The following SHISA9 variants were observed in gnomAD, a reference collection of about 807,000 sequenced individuals.
SHISA9 encodes protein shisa-9.
In SHISA9, 13 loss-of-function variants were observed where a neutral mutation model predicts 38.0. The observed-to-expected ratio is 0.34, with a 90% CI of 0.22 to 0.54. The LOEUF is 0.54. Ranked by LOEUF, SHISA9 falls within the 20% of genes least tolerant of loss-of-function variation. The pLI is 0.91. For missense variants in SHISA9, 538 were observed against 575.8 expected, an observed-to-expected ratio of 0.93 and a Z score of 0.67; for synonymous variants, 275 against 242.0, an observed-to-expected ratio of 1.14 and a Z score of -1.27.
Position 13,065,209 on chromosome 16 carries a change from A to G in SHISA9, c.692-138185A>G, listed in dbSNP as rs537058539. Among the ~76,000 whole-genome samples, 14 of 152,192 alleles carry G rather than the reference A, an allele frequency of 9.2e-5. No homozygotes were observed. In the South Asian group the frequency reaches 2.7e-3, roughly 29 times the overall value. On this transcript the variant is annotated intron_variant, in intron 2 of 4. Coordinates refer to ENST00000558583, the MANE Select transcript of SHISA9 (RefSeq NM_001145204.3). ...CTCCCCTTGTTTTGCATCCTTGGCA[A>G]TGATCTCACTTTATTGCCACTGACC...
chr16:13,463,027 A>G, the SHISA9 span, among the ~76,000 whole-genome samples: 1 of 152,120 alleles, frequency 6.6e-6, no homozygotes, highest in African/African-American at 2.4e-5. Context: ...GTGGTGGCAC[A>G]TGCCTGTGGT....
At chr16:13,135,125 A>G (rs1315935078) in intron 2 of SHISA9, among the ~76,000 whole-genome samples, 2 of 152,234 alleles carry the variant, frequency 1.3e-5, no homozygotes, top group African/African-American at 2.4e-5. Context: ...AATGGGAGCA[A>G]GAAGCAATTC....
Position 13,237,612 on chromosome 16 carries a change from A to G in SHISA9, c.*2203A>G, listed in dbSNP as rs2051398129. 6.7e-6 allele frequency: 1 copy of G among 149,016 alleles called. No homozygotes were observed. Among genetic ancestry groups the G allele is most frequent in the South Asian group, 2.1e-4 (1 of 4,684 alleles). The allele number at this position is 149,016 out of a possible 1,614,324, so 9.2% of individuals were successfully genotyped here. A position where few individuals can be genotyped will look rare whatever the true frequency, so the allele number is the denominator to read the frequency against. The stretch of plus-strand genomic sequence containing the variant: ...TGGGAGGTTGCAGTGAGCTGAGACC[A>G]CACCACTGCCCTCTAGCCTGGGTGA... On this transcript the variant is annotated 3_prime_UTR_variant, in exon 5 of 5. Transcript: ENST00000558583.
the SHISA9 span, among the ~76,000 whole-genome samples, chr16:13,428,964 G>C: frequency 1.3e-5 from 2 of 151,844 alleles, no homozygotes; most frequent in Admixed American, 1.3e-4. Context: ...ACCGGGTTTT[G>C]CTATGTTGAC....
chr16:13,479,703 G>A, the SHISA9 span, among the ~76,000 whole-genome samples: 1 of 152,122 alleles, frequency 6.6e-6, no homozygotes, highest in Non-Finnish European at 1.5e-5. Flanking sequence ...GCGATTAATT[G>A]GAAAACAGGG....
the SHISA9 span, among the ~76,000 whole-genome samples, chr16:13,419,522 G>A: frequency 3.9e-5 from 6 of 152,152 alleles, no homozygotes; most frequent in East Asian, 1.9e-4. Context: ...CTTTGTTAGC[G>A]TGTGATGTCT....
chr16:13,088,118 G>T (rs934031456), intron 2 of SHISA9, among the ~76,000 whole-genome samples: 6 of 152,212 alleles, frequency 3.9e-5, no homozygotes, highest in Admixed American at 1.3e-4. Flanking sequence ...GTTCATCAAA[G>T]ATCAGATGGT....
At chr16:13,156,626 C>G (rs1244845204) in intron 2 of SHISA9, among the ~76,000 whole-genome samples, 2 of 151,254 alleles carry the variant, frequency 1.3e-5, no homozygotes, top group African/African-American at 4.9e-5. Flanking sequence ...CCCAGCTACT[C>G]AGGAGGCTGA....
intron 2 of SHISA9, among the ~76,000 whole-genome samples, chr16:12,919,064 T>C (rs530875927): frequency 1.3e-5 from 2 of 152,332 alleles, no homozygotes; most frequent in East Asian, 3.8e-4. Context: ...AACATTTGTA[T>C]GTTCAGATGA....
intron 2 of SHISA9, among the ~76,000 whole-genome samples, chr16:12,952,120 A>T (rs1344529382): frequency 6.6e-6 from 1 of 152,232 alleles, no homozygotes; most frequent in African/African-American, 2.4e-5. Flanking sequence ...GGAATTTTTC[A>T]ATTGAGAGCA....
At chr16:12,957,772 G>T (rs1011266446) in intron 2 of SHISA9, among the ~76,000 whole-genome samples, 12 of 152,206 alleles carry the variant, frequency 7.9e-5, no homozygotes, top group Non-Finnish European at 1.5e-4. Context: ...GAGGCTGGAA[G>T]TCCAAGATCA....
At chr16:13,447,060 G>A in the SHISA9 span, among the ~76,000 whole-genome samples, 1 of 151,270 alleles carries the variant, frequency 6.6e-6, no homozygotes, top group Non-Finnish European at 1.5e-5. Flanking sequence ...GAGAGAGAAA[G>A]AAAGAATAAA....
chr16:13,151,070 A>G (rs530161732), intron 2 of SHISA9, among the ~76,000 whole-genome samples: 32 of 152,186 alleles, frequency 2.1e-4, no homozygotes, highest in African/African-American at 7.5e-4. Context: ...TGGGAGCTCA[A>G]TGAATGGGGA....
At chr16:13,260,093 T>C in the SHISA9 span, among the ~76,000 whole-genome samples, 1 of 135,006 alleles carries the variant, frequency 7.4e-6, no homozygotes, top group Non-Finnish European at 1.5e-5. Context: ...CTCGGCTCAC[T>C]GCAAGCTCCA....
the SHISA9 span, among the ~76,000 whole-genome samples, chr16:13,551,175 C>T: frequency 6.6e-6 from 1 of 151,864 alleles, no homozygotes; most frequent in Admixed American, 6.6e-5. Flanking sequence ...CACTGAAGAT[C>T]TTTGCTCTTC....
At chr16:13,202,814 T>A (rs772978043) in intron 2 of SHISA9, among the ~76,000 whole-genome samples, 1 of 152,236 alleles carries the variant, frequency 6.6e-6, no homozygotes, top group Non-Finnish European at 1.5e-5. Context: ...CTGATGCTTT[T>A]ATTTCTGTAG....
chr16:12,934,908 A>G (rs1404509560), intron 2 of SHISA9, among the ~76,000 whole-genome samples: 1 of 152,228 alleles, frequency 6.6e-6, no homozygotes, highest in Non-Finnish European at 1.5e-5. Context: ...GGGTTGGCTC[A>G]TAGAACTGAA....
At chr16:12,953,708 C>T (rs1473970754) in intron 2 of SHISA9, among the ~76,000 whole-genome samples, 1 of 152,142 alleles carries the variant, frequency 6.6e-6, no homozygotes, top group African/African-American at 2.4e-5. Flanking sequence ...TATATTAATT[C>T]ATTCTCACAC....
At chr16:13,435,126 C>T in the SHISA9 span, among the ~76,000 whole-genome samples, 1 of 152,156 alleles carries the variant, frequency 6.6e-6, no homozygotes, top group East Asian at 1.9e-4. Context: ...CACCAGCTTC[C>T]AGGAATATCC....
Sources: gnomAD v4.1 joint callset for allele counts (sites outside exome capture counted in the v4.1 genomes callset) on GRCh38, gnomAD v4.1.1 for gene constraint, MANE v1.5 for transcripts, NCBI Gene and HGNC (gene_info 2026-07-23, HGNC 2026-07-21) for gene names.